The following PSG11 variants were observed in gnomAD, a reference collection of about 807,000 sequenced individuals.
PSG11 encodes pregnancy specific beta-1-glycoprotein 11, also known as pregnancy-specific beta-1-glycoprotein 11.
PSG11 carries 42 observed loss-of-function variants against 36.0 expected under a neutral mutation model. That is an observed-to-expected ratio of 1.17 (90% CI 0.91 to 1.51). The LOEUF (loss-of-function observed/expected upper bound fraction) is 1.51, where lower values mean the gene tolerates loss of function less well. Ranked by LOEUF, PSG11 falls within the 40% of genes most tolerant of loss-of-function variation. The pLI, the probability that PSG11 is intolerant of heterozygous loss-of-function variation, is 0.00. For synonymous variants in PSG11, 206 were observed against 153.5 expected (o/e 1.34, Z -2.53); for missense variants, 558 against 403.5 (o/e 1.38, Z -3.28).
intron 3 of PSG11, chr19:43,016,103 C>G (rs1440491381): frequency 6.4e-7 from 1 of 1,552,654 alleles, no homozygotes; most frequent in East Asian, 2.3e-5. Flanking sequence ...CCTCCACAGG[C>G]ATCCTTCAAT....
In PSG11 at chr19:43,025,898, T is replaced by C. The variant is rs751573296; in HGVS notation, c.64+411A>G. ...GGGTGTATTTTCCCCTATCCAGGCA[T>C]CAACAGGGCCTTCTTTCCTTTTTTT... On this transcript the variant is annotated intron_variant, in intron 1 of 5. Transcript: ENST00000320078. Among the ~76,000 whole-genome samples, 76 of 140,252 alleles carry C rather than the reference T, an allele frequency of 5.4e-4. 2 individuals are homozygous for C. Among genetic ancestry groups the C allele is most frequent in the Non-Finnish European group, 9.1e-4 (59 of 64,594 alleles). 92.0% of individuals were successfully genotyped at this position (140,252 alleles called of 152,430 possible).
In PSG11 at chr19:43,015,213, A is replaced by G. The variant is rs187020721; in HGVS notation, c.867T>C (p.Pro289=). 39 of 1,611,172 alleles carry G rather than the reference A, an allele frequency of 2.4e-5. No homozygotes were observed. The African/African-American group carries it at 3.1e-4, about 13-fold the overall frequency. Reference sequence around the variant, plus strand: ...GCCCATTATGCTTTGGAGTAATCTGAGGGATAAAGAGCTTTTGTCCTGATA... The same window carrying G: ...GCCCATTATGCTTTGGAGTAATCTGGGGGATAAAGAGCTTTTGTCCTGATA... The part of the protein sequence containing the change: ...FQLSGQKLFI[P]QITPKHNGLY... The change falls in exon 4 of 6, where the codon CCT becomes CCC. Residue 289 remains proline, a synonymous_variant. Transcript: ENST00000320078.
At chr19:43,016,563 G>A (rs1966972201) in intron 3 of PSG11, among the ~76,000 whole-genome samples, 1 of 151,476 alleles carries the variant, frequency 6.6e-6, no homozygotes, top group Admixed American at 6.6e-5. Context: ...TGTTTCAGCA[G>A]AAATAACACA....
intron 2 of PSG11, chr19:43,019,269 T>C (rs1967045273): frequency 5.8e-6 from 6 of 1,028,804 alleles, no homozygotes; most frequent in Admixed American, 3.0e-5. Flanking sequence ...TTCTCAGGTG[T>C]GAATTGAGCA....
At position 43,009,654 on chromosome 19, in the gene PSG11, G is replaced by A. The variant is rs141939649; in HGVS notation, c.*40+304C>T. Reference sequence around the variant, plus strand: ...TGGTTGAGCTTTATGGGAATGGAGAGAATTACACTATTGAGATATGTTAAA... The same window carrying A: ...TGGTTGAGCTTTATGGGAATGGAGAAAATTACACTATTGAGATATGTTAAA... On this transcript the variant is annotated intron_variant, in intron 5 of 5. Transcript: ENST00000320078. 2.4e-4 allele frequency among the ~76,000 whole-genome samples: 36 copies of A among 151,464 alleles called. 1 individual carries two copies. The East Asian group carries it at 6.0e-3, about 25-fold the overall frequency.
At chr19:43,011,280 G>A (rs1285577266) in intron 4 of PSG11, among the ~76,000 whole-genome samples, 2 of 151,158 alleles carry the variant, frequency 1.3e-5, no homozygotes, top group South Asian at 2.1e-4. Flanking sequence ...AGGAATCAGA[G>A]GTTCAGAGAA....
chr19:43,016,435 C>G (rs150742537), intron 3 of PSG11, among the ~76,000 whole-genome samples: 1 of 150,968 alleles, frequency 6.6e-6, no homozygotes, highest in Non-Finnish European at 1.5e-5. Context: ...ACTTTGCCCC[C>G]CTAGATGTGA....
rs920728127 is a variant in PSG11, at chr19:43,016,106, C to A, written c.710-736G>T. 83 of 1,548,456 alleles carry A rather than the reference C, an allele frequency of 5.4e-5. 4 individuals carry two copies. The highest frequency in any genetic ancestry group is 4.9e-4 in the South Asian group (39 of 79,134). ...GCACCTTTGATTCCTCCACAGGCAT[C>A]CTTCAATCAGAGTTGGCATCTCCCA... On this transcript the variant is annotated intron_variant, in intron 3 of 5. Coordinates refer to ENST00000320078, the MANE Select transcript of PSG11 (RefSeq NM_002785.3).
chr19:43,008,078 T>G (rs3205940), intron 5 of PSG11, 36 bp from the exon 6 acceptor site: 2 of 350,866 alleles, frequency 5.7e-6, no homozygotes, highest in Non-Finnish European at 1.1e-5. Flanking sequence ...GTAGCTGATT[T>G]TAAATACTTT....
At chr19:43,008,600 C>G (rs1172344790) in intron 5 of PSG11, among the ~76,000 whole-genome samples, 1 of 151,170 alleles carries the variant, frequency 6.6e-6, no homozygotes, top group Non-Finnish European at 1.5e-5. Context: ...TATTAACATT[C>G]CCATAAATAT....
intron 4 of PSG11, chr19:43,014,693 A>T (rs1966913305): frequency 8.4e-7 from 1 of 1,192,172 alleles, no homozygotes; most frequent in Non-Finnish European, 1.1e-6. Context: ...TCCTCCTCTC[A>T]TTTGGGGGAA....
chr19:43,015,547 G>A (rs1599672493), intron 3 of PSG11, among the ~76,000 whole-genome samples, 177 bp from the exon 4 acceptor site: 1 of 151,356 alleles, frequency 6.6e-6, no homozygotes, highest in Non-Finnish European at 1.5e-5. Flanking sequence ...CCCACCACAA[G>A]CTGTGGGCCC....
At chr19:43,013,533 G>C (rs774417295) in intron 4 of PSG11, among the ~76,000 whole-genome samples, 5 of 151,210 alleles carry the variant, frequency 3.3e-5, no homozygotes, top group Non-Finnish European at 5.9e-5. Context: ...AATACTTAGA[G>C]ATATACAAAT....
At chr19:43,017,565 TCA>T (rs1455456289) in intron 3 of PSG11, 1 of 151,548 alleles carries the variant, frequency 6.6e-6, no homozygotes, top group Non-Finnish European at 1.5e-5. Flanking sequence ...TGCATCTTTT[TCA>T]CAGTGTTTCT....
chr19:43,018,799 C>A lies in PSG11; in HGVS notation c.680G>T (p.Arg227Leu). ...GAGATTCAGGGTGACTGGGTCACTG[C>A]GGCTGGCACTCCCTGAGTTCCATAT... is the stretch of plus-strand genomic sequence containing the variant. ...CEIWNSGSAS[R>L]SDPVTLNLLH... The change falls in exon 3 of 6, where the codon CGC becomes CTC. Residue 227 changes from arginine to leucine, a missense_variant. Arg to Leu is a moderately radical substitution (Grantham distance 102). Transcript: ENST00000320078. 6 of 1,612,016 alleles carry A rather than the reference C, an allele frequency of 3.7e-6. No individual in the cohort carries two copies. The highest frequency in any genetic ancestry group is 1.7e-4 in the Middle Eastern group (1 of 6,054).
chr19:43,011,461 G>A (rs1974074436), intron 4 of PSG11, among the ~76,000 whole-genome samples: 1 of 151,390 alleles, frequency 6.6e-6, no homozygotes, highest in South Asian at 2.1e-4. Context: ...TAAATAAAAT[G>A]GAGAATGGAA....
chr19:43,010,050 GA>G lies in PSG11; in HGVS notation c.965-10del. 1.2e-6 allele frequency: 2 copies of G among 1,607,790 alleles called. No individual in the cohort carries two copies. The highest frequency in any genetic ancestry group is 1.7e-6 in the Non-Finnish European group (2 of 1,175,548). ...TCCTAATCCTGGAGGAGCTGTCATGGAAAGAAAAGAAAAGAAGGAATGAAGG... is the reference window on the plus strand; with the variant it reads ...TCCTAATCCTGGAGGAGCTGTCATGGAAGAAAAGAAAAGAAGGAATGAAGG... On this transcript the variant is annotated splice_polypyrimidine_tract_variant and intron_variant, in intron 4 of 5. Transcript: ENST00000320078.
In PSG11 at chr19:43,012,258, T is replaced by G. The variant is rs562090315; in HGVS notation, c.965-2217A>C. 2.0e-5 allele frequency among the ~76,000 whole-genome samples: 3 copies of G among 151,568 alleles called. No homozygotes were observed. The South Asian group carries it at 6.3e-4, about 32-fold the overall frequency. On this transcript the variant is annotated intron_variant, in intron 4 of 5. Coordinates refer to ENST00000320078, the MANE Select transcript of PSG11 (RefSeq NM_002785.3). ...AGGAACAAGACAAGGATGCCTGCTT[T>G]TGACACTTTTATTCAACATAGTATT... is the stretch of plus-strand genomic sequence containing the variant.
intron 3 of PSG11, among the ~76,000 whole-genome samples, chr19:43,018,112 T>C (rs1967010293): frequency 1.3e-5 from 2 of 151,266 alleles, no homozygotes; most frequent in Admixed American, 1.3e-4. Flanking sequence ...GGGATCCACT[T>C]ACCAGGGACT....
Sources: gnomAD v4.1 joint callset for allele counts (sites outside exome capture counted in the v4.1 genomes callset) on GRCh38, gnomAD v4.1.1 for gene constraint, MANE v1.5 for transcripts, NCBI Gene and HGNC (gene_info 2026-07-23, HGNC 2026-07-21) for gene names.